The following WRN variants were observed in gnomAD, a reference collection of about 807,000 sequenced individuals.
WRN encodes the protein bifunctional 3'-5' exonuclease/ATP-dependent helicase WRN.
A neutral mutation model predicts 180.7 loss-of-function variants in WRN; 149 were observed. The observed-to-expected ratio is 0.82, with a 90% CI of 0.72 to 0.94. The LOEUF is 0.94. Among genes scored for constraint, WRN ranks in the 40% least tolerant of loss-of-function variants. The probability of loss-of-function intolerance (pLI) is 0.00; values close to 1 mark genes in which losing one functional copy is unlikely to be tolerated. For synonymous variants in WRN, 548 were observed against 568.9 expected (o/e 0.96, Z 0.52); for missense variants, 1,661 against 1,700.1 (o/e 0.98, Z 0.40).
chr8:31,073,844 G>A (rs1390774332), intron 7 of WRN, among the ~76,000 whole-genome samples: 1 of 152,068 alleles, frequency 6.6e-6, no homozygotes, highest in African/African-American at 2.4e-5. Context: ...TAAATCATTC[G>A]GGGAGGTTGA....
chr8:31,162,526 TGTATA>T (rs1188215242), intron 33 of WRN, among the ~76,000 whole-genome samples: 7 of 152,220 alleles, frequency 4.6e-5, no homozygotes, highest in Non-Finnish European at 1.0e-4. Flanking sequence ...AATAATAAAA[TGTATA>T]GTATAGCAAA....
At chr8:31,130,848 T>C (rs1272861666) in intron 23 of WRN, among the ~76,000 whole-genome samples, 1 of 152,206 alleles carries the variant, frequency 6.6e-6, no homozygotes, top group Non-Finnish European at 1.5e-5. Flanking sequence ...AGGATTTTTA[T>C]ATTGTTTTTT....
intron 5 of WRN, among the ~76,000 whole-genome samples, chr8:31,065,360 A>G (rs1197557744): frequency 6.6e-6 from 1 of 152,234 alleles, no homozygotes; most frequent in Non-Finnish European, 1.5e-5. Flanking sequence ...GGTACCCATT[A>G]GTTATTTTTC....
chr8:31,043,860 G>A (rs1811746930), intron 1 of WRN, among the ~76,000 whole-genome samples: 2 of 152,056 alleles, frequency 1.3e-5, no homozygotes, highest in African/African-American at 4.8e-5. Flanking sequence ...TTTGCTGTTC[G>A]TTCATAAAAC....
intron 27 of WRN, among the ~76,000 whole-genome samples, chr8:31,143,106 C>CT (rs1802724487): frequency 6.6e-6 from 1 of 151,242 alleles, no homozygotes; most frequent in African/African-American, 2.4e-5. Context: ...CACTTATGTA[C>CT]TTTCTTGCTT....
At chr8:31,172,255 C>T (rs944446530) in intron 34 of WRN, among the ~76,000 whole-genome samples, 11 of 152,002 alleles carry the variant, frequency 7.2e-5, no homozygotes, top group African/African-American at 2.7e-4. Flanking sequence ...TCCTGGGCTC[C>T]AGTGATCCTG....
chr8:31,116,445 CTA>C lies in WRN; in HGVS notation c.2367_2368del (p.Ser790LeufsTer11). 10 of 1,614,018 alleles carry C rather than the reference CTA, an allele frequency of 6.2e-6. No homozygotes were observed. Among genetic ancestry groups the C allele is most frequent in the Non-Finnish European group, 8.5e-6 (10 of 1,179,956 alleles). On this transcript the variant is annotated frameshift_variant, in exon 20 of 35. Transcript: ENST00000298139. LOFTEE classifies it high-confidence loss of function. ...QVTGELRKLNLSCGTYHAGMS... is the reference protein window; with the variant it reads ...QVTGELRKLNXSCGTYHAGMS... ...TACAGGTGAACTTAGGAAACTGAATCTATCCTGTGGAACATACCATGCGGGCA... is the reference window on the plus strand; with the variant it reads ...TACAGGTGAACTTAGGAAACTGAATCTCCTGTGGAACATACCATGCGGGCA...
At chr8:31,151,836 T>TA (rs946784373) in intron 31 of WRN, among the ~76,000 whole-genome samples, 158 of 151,358 alleles carry the variant, frequency 1.0e-3, no homozygotes, top group Middle Eastern at 6.8e-3. Flanking sequence ...ATGAATTATT[T>TA]AAAAAAAAAC....
intron 7 of WRN, among the ~76,000 whole-genome samples, chr8:31,073,697 T>C (rs1812994898): frequency 6.6e-6 from 1 of 151,938 alleles, no homozygotes; most frequent in Non-Finnish European, 1.5e-5. Context: ...CACCAGCATT[T>C]AGAGGTTGGG....
At chr8:31,124,202 G>T (rs886198678) in intron 21 of WRN, among the ~76,000 whole-genome samples, 6 of 152,072 alleles carry the variant, frequency 3.9e-5, no homozygotes, top group African/African-American at 1.4e-4. Context: ...CAAAAAGTGT[G>T]TGACATGTAA....
At position 31,090,477 on chromosome 8, in the gene WRN, A is replaced by C. The variant is rs1060500061; in HGVS notation, c.1665A>C (p.Lys555Asn). The change falls in exon 14 of 35, where the codon AAA (lysine) becomes AAC (asparagine). Residue 555 changes from lysine (K) to asparagine (N), a missense_variant. Coordinates refer to ENST00000298139, the MANE Select transcript of WRN (RefSeq NM_000553.6). ...GHSSFKPVQW[K>N]VIHSVLEERR... ...TTTCACCTTCAAGAGTTCAGTGGAAAGTGATTCATTCAGTATTAGAAGAAA... is the reference window on the plus strand; with the variant it reads ...TTTCACCTTCAAGAGTTCAGTGGAACGTGATTCATTCAGTATTAGAAGAAA... 5 of 1,612,164 alleles carry C rather than the reference A, an allele frequency of 3.1e-6. No individual in the cohort carries two copies. Among genetic ancestry groups the C allele is most frequent in the Non-Finnish European group, 4.2e-6 (5 of 1,178,656 alleles).
Position 31,087,828 on chromosome 8 carries a change from TAAAA to T in WRN, c.1486_1489del (p.Lys496TrpfsTer60), listed in dbSNP as rs751112452. 8.1e-6 allele frequency: 13 copies of T among 1,613,686 alleles called. No individual in the cohort carries two copies. The highest frequency in any genetic ancestry group is 1.1e-5 in the Non-Finnish European group (13 of 1,179,804). On this transcript the variant is annotated frameshift_variant, in exon 12 of 35. Coordinates refer to ENST00000298139, the MANE Select transcript of WRN (RefSeq NM_000553.6). LOFTEE classifies it high-confidence loss of function. The stretch of plus-strand genomic sequence containing the variant: ...GTAGAACCAACTCATTCTAAATGCT[TAAAA>T]ATGGAAAGAAATCTGGGTCTTCCTA...
At chr8:31,097,787 T>A (rs951245705) in intron 17 of WRN, among the ~76,000 whole-genome samples, 2 of 151,606 alleles carry the variant, frequency 1.3e-5, no homozygotes, top group Non-Finnish European at 2.9e-5. Context: ...TCAAAAAAAA[T>A]TTTTTTTTCT....
chr8:31,114,893 GGTT>G lies in WRN; in HGVS notation c.2274-1460_2274-1458del, dbSNP rs1364627358. ...CTTTGAAAACATGTTTTTAAAATAA[GGTT>G]TTTTTTTTTTTTTTTTTGACATGGA... On this transcript the variant is annotated intron_variant, in intron 19 of 34. Transcript: ENST00000298139. Among the ~76,000 whole-genome samples the G allele has an allele frequency of 7.6e-4, 103 of 136,160 alleles. 2 individuals are homozygous for G. Among genetic ancestry groups the G allele is most frequent in the East Asian group, 1.1e-3 (5 of 4,732 alleles). 89.3% of individuals were successfully genotyped at this position (136,160 alleles called of 152,430 possible).
chr8:31,076,731 A>G (rs1364603242), intron 8 of WRN, among the ~76,000 whole-genome samples: 3 of 152,174 alleles, frequency 2.0e-5, no homozygotes, highest in Non-Finnish European at 2.9e-5. Context: ...TAGTAGCCTC[A>G]TTTCTGTTAC....
intron 11 of WRN, among the ~76,000 whole-genome samples, chr8:31,085,516 C>A (rs1475954502): frequency 4.6e-5 from 7 of 151,168 alleles, no homozygotes; most frequent in African/African-American, 1.7e-4. Context: ...GTCACCCAGG[C>A]TGGGGTGTAG....
At chr8:31,076,620 T>G (rs187168597) in intron 8 of WRN, among the ~76,000 whole-genome samples, 44 of 152,340 alleles carry the variant, frequency 2.9e-4, no homozygotes, top group Non-Finnish European at 5.7e-4. Flanking sequence ...TATTTAAGAT[T>G]CAAAGTTGTC....
intron 26 of WRN, 118 bp from the exon 27 acceptor site, chr8:31,142,508 A>T (rs1400503009): frequency 1.3e-6 from 1 of 753,718 alleles, no homozygotes; most frequent in East Asian, 3.1e-5. Context: ...AGTTTTAAGA[A>T]TCACCAGTTC....
At chr8:31,121,537 G>A (rs930187131) in intron 21 of WRN, among the ~76,000 whole-genome samples, 2 of 151,918 alleles carry the variant, frequency 1.3e-5, no homozygotes, top group African/African-American at 4.8e-5. Flanking sequence ...GTTTGAAAAT[G>A]TCAACAATCA....
Sources: allele counts gnomAD v4.1 joint callset (sites outside exome capture counted in the v4.1 genomes callset), GRCh38; gene constraint gnomAD v4.1.1; transcripts MANE v1.5; gene names NCBI Gene and HGNC (gene_info 2026-07-23, HGNC 2026-07-21).